The following CADPS2 variants were observed in gnomAD, a reference collection of about 807,000 sequenced individuals.
CADPS2 encodes the protein calcium dependent secretion activator 2, also known as calcium-dependent secretion activator 2.
A neutral mutation model predicts 172.5 loss-of-function variants in CADPS2; 93 were observed. The ratio of observed to expected loss-of-function variants is 0.54; its 90% CI spans 0.46 to 0.64. CADPS2 has a LOEUF of 0.64. Ranked by LOEUF, CADPS2 falls within the 30% of genes least tolerant of loss-of-function variation. The probability of loss-of-function intolerance (pLI) is 0.00; values close to 1 mark genes in which losing one functional copy is unlikely to be tolerated. For synonymous variants in CADPS2, 546 were observed against 555.2 expected, an observed-to-expected ratio of 0.98 and a Z score of 0.23; for missense variants, 1,420 against 1,565.9, an observed-to-expected ratio of 0.91 and a Z score of 1.57.
intron 17 of CADPS2, chr7:122,436,473 T>C (rs1287402494): frequency 1.6e-6 from 1 of 630,872 alleles, no homozygotes; most frequent in Non-Finnish European, 2.3e-6. Context: ...TTAAGTTTGA[T>C]TTGGTTCTTA....
Position 122,490,191 on chromosome 7 carries a change from C to T in CADPS2, c.1742G>A (p.Trp581Ter). Reference sequence around the variant, plus strand: ...TGTGGCCCTATACATGGCTTGAACCCATAATATTCTGTCCTGTTCATCATC... The same window carrying T: ...TGTGGCCCTATACATGGCTTGAACCTATAATATTCTGTCCTGTTCATCATC... ...ASDDEQDRILWVQAMYRATGQ... is the reference protein window; with the variant it reads ...ASDDEQDRIL The change falls in exon 11 of 30, where the codon TGG (tryptophan) becomes TAG (stop). Residue 581 changes from tryptophan (W) to a stop codon, truncating the protein, a stop_gained. Transcript: ENST00000449022. LOFTEE classifies it high-confidence loss of function. 6.2e-7 allele frequency: 1 copy of T among 1,613,424 alleles called. No individual in the cohort carries two copies. The highest frequency in any genetic ancestry group is 1.1e-5 in the South Asian group (1 of 91,066).
chr7:122,471,692 G>A (rs1199705227), intron 13 of CADPS2, 130 bp from the exon 14 acceptor site: 22 of 763,010 alleles, frequency 2.9e-5, no homozygotes, highest in Non-Finnish European at 4.0e-5. Context: ...TTTATTAGTG[G>A]TATGTTTCAT....
intron 23 of CADPS2, among the ~76,000 whole-genome samples, chr7:122,387,672 C>G (rs1346727767): frequency 1.3e-5 from 2 of 152,096 alleles, no homozygotes; most frequent in East Asian, 3.9e-4. Flanking sequence ...CACTTACATT[C>G]TCTTTCAAAA....
chr7:122,796,173 C>T (rs1796330659), intron 1 of CADPS2, among the ~76,000 whole-genome samples: 1 of 152,146 alleles, frequency 6.6e-6, no homozygotes, highest in African/African-American at 2.4e-5. Context: ...AATATCTCCA[C>T]AAGGATAACT....
At chr7:122,457,476 T>C (rs1329818633) in intron 14 of CADPS2, among the ~76,000 whole-genome samples, 2 of 152,178 alleles carry the variant, frequency 1.3e-5, no homozygotes, top group Admixed American at 1.3e-4. Context: ...AAACACATTG[T>C]AAGGAACAAT....
At chr7:122,647,015 A>T (rs927896924) in intron 3 of CADPS2, among the ~76,000 whole-genome samples, 1 of 152,168 alleles carries the variant, frequency 6.6e-6, no homozygotes, top group Non-Finnish European at 1.5e-5. Flanking sequence ...TGAATATGAC[A>T]TTAATAGAAG....
intron 28 of CADPS2, among the ~76,000 whole-genome samples, chr7:122,335,743 A>G (rs569933013): frequency 2.0e-5 from 3 of 152,304 alleles, no homozygotes; most frequent in Admixed American, 1.3e-4. Flanking sequence ...GACAGCCACA[A>G]AGATGATTAA....
At chr7:122,323,515 CTG>C (rs1485024938) in intron 29 of CADPS2, among the ~76,000 whole-genome samples, 1 of 151,996 alleles carries the variant, frequency 6.6e-6, no homozygotes, top group African/African-American at 2.4e-5. Flanking sequence ...ATAAGTCACA[CTG>C]TATATCTTGA....
At chr7:122,673,082 G>T (rs1336291405) in intron 2 of CADPS2, among the ~76,000 whole-genome samples, 3 of 152,200 alleles carry the variant, frequency 2.0e-5, no homozygotes, top group African/African-American at 7.2e-5. Context: ...CTTCTGGTGG[G>T]TTCGTGGTCT....
At chr7:122,544,670 A>G (rs961711413) in intron 8 of CADPS2, among the ~76,000 whole-genome samples, 2 of 152,158 alleles carry the variant, frequency 1.3e-5, no homozygotes, top group African/African-American at 4.8e-5. Context: ...TGGTGAAGGA[A>G]GTGAGCAAGA....
intron 27 of CADPS2, among the ~76,000 whole-genome samples, chr7:122,347,300 G>A (rs2037824477): frequency 6.6e-6 from 1 of 151,608 alleles, no homozygotes; most frequent in Non-Finnish European, 1.5e-5. Flanking sequence ...TTTTTTGGAG[G>A]GGGCATATTT....
intron 10 of CADPS2, among the ~76,000 whole-genome samples, chr7:122,490,782 T>C (rs553968413): frequency 2.6e-5 from 4 of 152,302 alleles, no homozygotes; most frequent in African/African-American, 9.6e-5. Context: ...TAATCTCTAT[T>C]CACCAATATT....
intron 6 of CADPS2, among the ~76,000 whole-genome samples, chr7:122,589,300 A>C: frequency 6.6e-6 from 1 of 152,148 alleles, no homozygotes; most frequent in South Asian, 2.1e-4. Flanking sequence ...AAGTTTAACA[A>C]GAGAGAAATA....
intron 1 of CADPS2, among the ~76,000 whole-genome samples, chr7:122,881,297 T>C (rs557299316): frequency 1.3e-5 from 2 of 152,276 alleles, no homozygotes; most frequent in African/African-American, 4.8e-5. Flanking sequence ...GATTTCATTT[T>C]TGAAGGAAAG....
intron 12 of CADPS2, among the ~76,000 whole-genome samples, chr7:122,478,718 A>G (rs187929910): frequency 5.3e-5 from 8 of 152,276 alleles, no homozygotes; most frequent in African/African-American, 1.9e-4. Flanking sequence ...TGTGAGGACT[A>G]TCAGTGAGGG....
At chr7:122,529,072 T>C (rs369535079) in intron 8 of CADPS2, among the ~76,000 whole-genome samples, 52 of 152,270 alleles carry the variant, frequency 3.4e-4, no homozygotes, top group Middle Eastern at 3.4e-3. Context: ...CTACTGGACA[T>C]ATACATATTA....
intron 1 of CADPS2, among the ~76,000 whole-genome samples, chr7:122,847,547 G>A (rs1160132530): frequency 6.6e-6 from 1 of 151,488 alleles, no homozygotes; most frequent in Non-Finnish European, 1.5e-5. Flanking sequence ...CCATTAGTTT[G>A]TTATATAAAA....
At chr7:122,369,458 C>T (rs2041480594) in intron 25 of CADPS2, among the ~76,000 whole-genome samples, 1 of 152,086 alleles carries the variant, frequency 6.6e-6, no homozygotes, top group African/African-American at 2.4e-5. Context: ...GTTACTTTCC[C>T]TCTTTTCCAT....
chr7:122,791,729 G>T (rs2139693647), intron 1 of CADPS2, among the ~76,000 whole-genome samples: 1 of 152,180 alleles, frequency 6.6e-6, no homozygotes, highest in Non-Finnish European at 1.5e-5. Flanking sequence ...GAATGAACTT[G>T]ATCTAATTAT....
Sources: allele counts gnomAD v4.1 joint callset (sites outside exome capture counted in the v4.1 genomes callset), GRCh38; gene constraint gnomAD v4.1.1; transcripts MANE v1.5; gene names NCBI Gene and HGNC (gene_info 2026-07-23, HGNC 2026-07-21).